The following UGT1A7 variants were observed in gnomAD, a reference collection of about 807,000 sequenced individuals.
The protein encoded by UGT1A7 is UDP glucuronosyltransferase family 1 member A7.
UGT1A7 carries 33 observed loss-of-function variants against 45.6 expected under a neutral mutation model. The ratio of observed to expected loss-of-function variants is 0.72; its 90% confidence interval spans 0.55 to 0.97. The LOEUF (loss-of-function observed/expected upper bound fraction) is 0.97, where lower values mean the gene tolerates loss of function less well. Ranked by LOEUF, UGT1A7 falls within the 50% of genes least tolerant of loss-of-function variation. The pLI is 0.00. For synonymous variants in UGT1A7, 274 were observed against 250.6 expected, an observed-to-expected ratio of 1.09 and a Z score of -0.88; for missense variants, 684 against 666.2, an observed-to-expected ratio of 1.03 and a Z score of -0.29.
In UGT1A7 at chr2:233,682,017, A is replaced by G. The variant is rs949229127; in HGVS notation, c.80A>G (p.Lys27Arg). ...LLTCGFAKAG[K>R]LLVVPMDGSH... is the part of the protein sequence containing the mutation. Reference sequence around the variant, plus strand: ...ACCTGTGGCTTTGCCAAGGCAGGGAAGCTGCTGGTAGTGCCCATGGATGGG... The same window carrying G: ...ACCTGTGGCTTTGCCAAGGCAGGGAGGCTGCTGGTAGTGCCCATGGATGGG... The change falls in exon 1 of 5, where the codon AAG becomes AGG. Residue 27 changes from lysine to arginine, a missense_variant. Physicochemically the swap from Lys to Arg is conservative, Grantham distance 26. Transcript: ENST00000373426. The G allele has an allele frequency of 6.2e-7, 1 of 1,614,130 alleles. No individual in the cohort carries two copies. Among genetic ancestry groups the G allele is most frequent in the Non-Finnish European group, 8.5e-7 (1 of 1,180,018 alleles).
rs751560477 is a variant in UGT1A7 at position 233,754,882 on chromosome 2, G to T, written c.856-12152G>T. 3 of 1,352,084 alleles carry T rather than the reference G, an allele frequency of 2.2e-6. No homozygotes were observed. The African/African-American group carries it at 4.4e-5, about 20-fold the overall frequency. The allele number at this position is 1,352,084 out of a possible 1,614,324, so 83.8% of individuals were successfully genotyped here. On this transcript the variant is annotated intron_variant, in intron 1 of 4. Transcript: ENST00000373426. ...GCAGACCCTCTGCTTCTGCTTCCCA[G>T]GGAGTTCCTCTGACCCCCCAAAATA...
intron 1 of UGT1A7, among the ~76,000 whole-genome samples, chr2:233,726,904 T>A (rs554663359): frequency 7.2e-5 from 11 of 152,324 alleles, no homozygotes; most frequent in South Asian, 4.1e-4. Flanking sequence ...CATTCAATTA[T>A]CTCCTTTTTT....
intron 1 of UGT1A7, chr2:233,747,639 G>A: frequency 6.3e-7 from 1 of 1,582,892 alleles, no homozygotes; most frequent in East Asian, 2.2e-5. Context: ...GCACCTGAAT[G>A]CTACTTCCTT....
chr2:233,685,673 C>T (rs1460224775), intron 1 of UGT1A7, among the ~76,000 whole-genome samples: 1 of 152,178 alleles, frequency 6.6e-6, no homozygotes, highest in Admixed American at 6.5e-5. Flanking sequence ...ATAATGTGTA[C>T]CCATATAGCC....
At chr2:233,742,936 C>T (rs78644424) in intron 1 of UGT1A7, 5,022 of 211,572 alleles carry the variant, frequency 0.024, 84 homozygotes, top group Non-Finnish European at 0.03. Flanking sequence ...ACATTCTGTC[C>T]TACCACTAGC....
At chr2:233,728,109 C>T (rs1053786831) in intron 1 of UGT1A7, among the ~76,000 whole-genome samples, 1 of 152,198 alleles carries the variant, frequency 6.6e-6, no homozygotes, top group African/African-American at 2.4e-5. Flanking sequence ...ATTTAATTCT[C>T]CATCTTGAAA....
At chr2:233,739,899 T>G (rs1691241474) in intron 1 of UGT1A7, among the ~76,000 whole-genome samples, 1 of 151,876 alleles carries the variant, frequency 6.6e-6, no homozygotes, top group South Asian at 2.1e-4. Context: ...CCAAATCTCA[T>G]CTCATATTGT....
intron 1 of UGT1A7, among the ~76,000 whole-genome samples, chr2:233,700,636 C>T (rs1374438438): frequency 6.6e-6 from 1 of 152,038 alleles, no homozygotes; most frequent in Admixed American, 6.5e-5. Context: ...GATTTAATGA[C>T]TTTAAGTGTT....
intron 1 of UGT1A7, chr2:233,729,245 A>C (rs548939333): frequency 5.1e-5 from 82 of 1,614,188 alleles, no homozygotes; most frequent in South Asian, 2.9e-4. Context: ...GATGGCAGCC[A>C]CTGGCTCAGC....
intron 1 of UGT1A7, among the ~76,000 whole-genome samples, chr2:233,736,521 CAA>C (rs1208875271): frequency 6.6e-6 from 1 of 152,210 alleles, no homozygotes; most frequent in Non-Finnish European, 1.5e-5. Flanking sequence ...GTCAACTCGT[CAA>C]AGTCATTCTC....
At chr2:233,755,285 A>C (rs1468695441) in intron 1 of UGT1A7, 1 of 681,694 alleles carries the variant, frequency 1.5e-6, no homozygotes, top group Non-Finnish European at 2.3e-6. Flanking sequence ...ACTGCCAAAG[A>C]GCCTGCGGGG....
chr2:233,772,380 C>A lies in UGT1A7; in HGVS notation c.1414C>A (p.Arg472Ser), dbSNP rs566674185. ...GAGGCACAAGGGCGCGCCACACCTG[C>A]GCCCCGCAGCCCACGACCTCACCTG... ...VMRHKGAPHL[R>S]PAAHDLTWYQ... Residue 472 changes from arginine to serine, a missense_variant, in exon 5 of 5, where the codon CGC becomes AGC. Transcript: ENST00000373426. The A allele has an allele frequency of 6.2e-7, 1 of 1,614,262 alleles. No homozygotes were observed. The highest frequency in any genetic ancestry group is 1.1e-5 in the South Asian group (1 of 91,086).
At chr2:233,694,301 T>C (rs1426989615) in intron 1 of UGT1A7, among the ~76,000 whole-genome samples, 1 of 151,106 alleles carries the variant, frequency 6.6e-6, no homozygotes, top group East Asian at 1.9e-4. Context: ...AGGCCTGTTT[T>C]TTGTTTTTTT....
At chr2:233,724,617 C>T (rs553228713) in intron 1 of UGT1A7, among the ~76,000 whole-genome samples, 3,256 of 135,154 alleles carry the variant, frequency 0.024, 113 homozygotes, top group African/African-American at 0.056. Context: ...CGGGCAGAGA[C>T]GCTCCTCACT....
At chr2:233,742,982 A>G (rs555126231) in intron 1 of UGT1A7, 1 of 227,728 alleles carries the variant, frequency 4.4e-6, no homozygotes, top group South Asian at 6.4e-5. Context: ...TAAGTTTAAT[A>G]AATAGCAAAT....
chr2:233,715,185 C>T (rs2125642752), intron 1 of UGT1A7, among the ~76,000 whole-genome samples: 1 of 152,280 alleles, frequency 6.6e-6, no homozygotes, highest in African/African-American at 2.4e-5. Context: ...CACACCTAGG[C>T]AATTTTTCTA....
intron 1 of UGT1A7, chr2:233,693,459 C>A (rs201855477): frequency 1.9e-6 from 3 of 1,614,104 alleles, no homozygotes; most frequent in Middle Eastern, 1.6e-4. Flanking sequence ...ACAGACCCAG[C>A]CTTACCCTGT....
intron 1 of UGT1A7, chr2:233,713,576 T>C: frequency 6.2e-7 from 1 of 1,613,998 alleles, no homozygotes; most frequent in African/African-American, 1.3e-5. Context: ...CCTATATTCC[T>C]AGATTACTAA....
chr2:233,718,950 A>C, intron 1 of UGT1A7: 2 of 1,614,178 alleles, frequency 1.2e-6, no homozygotes, highest in South Asian at 2.2e-5. Flanking sequence ...CTGGCTCAGC[A>C]TGCGGGAGGC....
Sources: gnomAD v4.1 joint callset for allele counts (sites outside exome capture counted in the v4.1 genomes callset) on GRCh38, gnomAD v4.1.1 for gene constraint, MANE v1.5 for transcripts, NCBI Gene and HGNC (gene_info 2026-07-23, HGNC 2026-07-21) for gene names.